Variants in TBC1D32 observed in about 807,000 individuals in gnomAD.
TBC1D32 encodes TBC1 domain family member 32, also known as protein broad-minded.
A neutral mutation model predicts 170.3 loss-of-function variants in TBC1D32; 151 were observed. The ratio of observed to expected loss-of-function variants is 0.89; its 90% CI spans 0.78 to 1.01. The LOEUF (loss-of-function observed/expected upper bound fraction) is 1.01. Ranked by LOEUF, TBC1D32 falls within the 50% of genes least tolerant of loss-of-function variation. The pLI is 0.00. For missense variants in TBC1D32, 1,464 were observed against 1,457.1 expected (o/e 1.00, Z -0.08); for synonymous variants, 498 against 488.0 (o/e 1.02, Z -0.27).
intron 25 of TBC1D32, among the ~76,000 whole-genome samples, chr6:121,127,374 T>C (rs751254217): frequency 5.8e-4 from 88 of 152,302 alleles, no homozygotes; most frequent in Admixed American, 1.1e-3. Flanking sequence ...AATATTTTAA[T>C]GGCTTAGGAC....
intron 2 of TBC1D32, 50 bp from the exon 3 acceptor site, chr6:121,317,722 A>G: frequency 7.6e-7 from 1 of 1,316,676 alleles, no homozygotes; most frequent in East Asian, 2.5e-5. Flanking sequence ...AGAAATTAAA[A>G]CAGTCAACTA....
At chr6:121,299,403 G>C in intron 10 of TBC1D32, 43 bp downstream of exon 10, 1 of 1,451,918 alleles carries the variant, frequency 6.9e-7, no homozygotes, top group Non-Finnish European at 9.4e-7. Context: ...TATATATTCT[G>C]GTGATATTAT....
At chr6:121,255,797 CAA>C (rs1798925892) in intron 16 of TBC1D32, among the ~76,000 whole-genome samples, 1 of 152,026 alleles carries the variant, frequency 6.6e-6, no homozygotes, top group South Asian at 2.1e-4. Flanking sequence ...AAATAACTCC[CAA>C]AGAGTGTTAG....
At chr6:121,229,216 C>T (rs1795431012) in intron 20 of TBC1D32, among the ~76,000 whole-genome samples, 1 of 152,128 alleles carries the variant, frequency 6.6e-6, no homozygotes, top group Non-Finnish European at 1.5e-5. Context: ...CTGACCTTTA[C>T]AATAATCATT....
intron 15 of TBC1D32, among the ~76,000 whole-genome samples, chr6:121,262,341 T>C (rs1477753595): frequency 2.0e-5 from 3 of 151,760 alleles, no homozygotes; most frequent in Non-Finnish European, 4.4e-5. Context: ...TTCTCCAAGG[T>C]TGAAATGAAA....
At chr6:121,170,908 A>G (rs977362832) in intron 22 of TBC1D32, among the ~76,000 whole-genome samples, 1 of 152,072 alleles carries the variant, frequency 6.6e-6, no homozygotes, top group African/African-American at 2.4e-5. Flanking sequence ...TGACAGAATC[A>G]TCATTTTGCT....
At chr6:121,174,148 C>T (rs751717700) in intron 22 of TBC1D32, among the ~76,000 whole-genome samples, 1 of 149,228 alleles carries the variant, frequency 6.7e-6, no homozygotes, top group Non-Finnish European at 1.5e-5. Flanking sequence ...AAGAATAAAA[C>T]TGTCATAGAA....
At chr6:121,247,709 A>AAAAAAAAAAAAAAC (rs1391943309) in intron 17 of TBC1D32, among the ~76,000 whole-genome samples, 1 of 149,072 alleles carries the variant, frequency 6.7e-6, no homozygotes, top group Non-Finnish European at 1.5e-5. Flanking sequence ...AAAAAAAAAA[A>AAAAAAAAAAAAAAC]AAAAAAAAAG....
Position 121,289,844 on chromosome 6 carries a change from G to A in TBC1D32, c.1372+2209C>T, listed in dbSNP as rs191329934. On this transcript the variant is annotated intron_variant, in intron 12 of 31. Coordinates refer to ENST00000398212, the MANE Select transcript of TBC1D32 (RefSeq NM_152730.6). ...GAACAGAGCCCTCAGAAATAATGCC[G>A]CATATCTACAACCATCTGATCTTTG... Among the ~76,000 whole-genome samples the A allele has an allele frequency of 1.7e-3, 265 of 151,994 alleles. 2 individuals carry two copies. The highest frequency in any genetic ancestry group is 0.014 in the South Asian group (67 of 4,804).
At position 121,286,188 on chromosome 6, in the gene TBC1D32, C is replaced by T. The variant is rs544193639; in HGVS notation, c.1373-2278G>A. Among the ~76,000 whole-genome samples the T allele has an allele frequency of 3.9e-5, 6 of 152,096 alleles. No individual in the cohort carries two copies. The South Asian group carries it at 1.2e-3, about 32-fold the overall frequency. On this transcript the variant is annotated intron_variant, in intron 12 of 31. Coordinates refer to ENST00000398212, the MANE Select transcript of TBC1D32 (RefSeq NM_152730.6). ...GAAGCCTTCAGAAGATCAAACTACTCCAAACTAAAGGAGGAAGTTCGAACC... is the reference window on the plus strand; with the variant it reads ...GAAGCCTTCAGAAGATCAAACTACTTCAAACTAAAGGAGGAAGTTCGAACC...
chr6:121,303,590 G>T (rs769983063), intron 9 of TBC1D32, 27 bp downstream of exon 9: 7 of 1,502,794 alleles, frequency 4.7e-6, no homozygotes, highest in Middle Eastern at 1.8e-4. Flanking sequence ...GCACTAAAAG[G>T]TATAAAAATA....
At chr6:121,215,511 G>A (rs983996855) in intron 21 of TBC1D32, among the ~76,000 whole-genome samples, 6 of 152,168 alleles carry the variant, frequency 3.9e-5, no homozygotes, top group African/African-American at 1.4e-4. Flanking sequence ...ATTCACAAAT[G>A]GGATCTAATT....
At chr6:121,173,622 C>T (rs1787366129) in intron 22 of TBC1D32, among the ~76,000 whole-genome samples, 1 of 151,384 alleles carries the variant, frequency 6.6e-6, no homozygotes, top group African/African-American at 2.4e-5. Context: ...CCAGAAGTCA[C>T]AAAAAACTCT....
At chr6:121,131,405 C>G (rs1048666767) in intron 25 of TBC1D32, among the ~76,000 whole-genome samples, 10 of 151,142 alleles carry the variant, frequency 6.6e-5, no homozygotes, top group African/African-American at 2.2e-4. Context: ...TTTTGCTCAC[C>G]AAGACTGTTT....
intron 24 of TBC1D32, among the ~76,000 whole-genome samples, chr6:121,154,732 AT>A (rs1159250380): frequency 1.3e-5 from 2 of 152,240 alleles, no homozygotes; most frequent in African/African-American, 4.8e-5. Flanking sequence ...AGCAAAAGTA[AT>A]TACCAACAGA....
intron 22 of TBC1D32, among the ~76,000 whole-genome samples, chr6:121,178,977 G>A (rs1478014908): frequency 6.6e-6 from 1 of 152,136 alleles, no homozygotes; most frequent in Non-Finnish European, 1.5e-5. Context: ...TGTGAACAGA[G>A]GAACCAGCTA....
At chr6:121,174,859 G>GT (rs1583074629) in intron 22 of TBC1D32, among the ~76,000 whole-genome samples, 1 of 151,828 alleles carries the variant, frequency 6.6e-6, no homozygotes, top group East Asian at 1.9e-4. Context: ...AGCAAAACCT[G>GT]TCTCTATTAA....
chr6:121,223,205 A>T (rs908279353), intron 21 of TBC1D32, 31 bp downstream of exon 21: 7 of 1,356,320 alleles, frequency 5.2e-6, no homozygotes, highest in Non-Finnish European at 6.1e-6. Flanking sequence ...TAGCATTTAT[A>T]ACAGAGAAAG....
At chr6:121,216,476 A>G (rs1793839213) in intron 21 of TBC1D32, among the ~76,000 whole-genome samples, 1 of 152,192 alleles carries the variant, frequency 6.6e-6, no homozygotes, top group Admixed American at 6.5e-5. Context: ...CTAGAGGAAG[A>G]GAATATTAAG....
Sources: allele counts gnomAD v4.1 joint callset (sites outside exome capture counted in the v4.1 genomes callset), GRCh38; gene constraint gnomAD v4.1.1; transcripts MANE v1.5; gene names NCBI Gene and HGNC (gene_info 2026-07-23, HGNC 2026-07-21).